The following TRABD2A variants were observed in gnomAD, a reference collection of about 807,000 sequenced individuals.
The protein encoded by TRABD2A is metalloprotease TIKI1.
In TRABD2A, 43 loss-of-function variants were observed where a neutral mutation model predicts 45.6. The ratio of observed to expected loss-of-function variants is 0.94; its 90% CI spans 0.74 to 1.22. The LOEUF (loss-of-function observed/expected upper bound fraction) is 1.22. Among genes scored for constraint, TRABD2A ranks in the 50% most tolerant of loss-of-function variants. The pLI, the probability that TRABD2A is intolerant of heterozygous loss-of-function variation, is 0.00. For missense variants in TRABD2A, 642 were observed against 652.4 expected (o/e 0.98, Z 0.17); for synonymous variants, 269 against 265.0 (o/e 1.02, Z -0.15).
At chr2:84,851,908 G>C (rs6743110) in intron 2 of TRABD2A, among the ~76,000 whole-genome samples, 41,027 of 152,120 alleles carry the variant, frequency 0.27, 6,186 homozygotes, top group African/African-American at 0.4. Flanking sequence ...TTTATAAGCC[G>C]TTAATTTGCT....
At chr2:84,872,587 C>G (rs1377557692) in intron 1 of TRABD2A, among the ~76,000 whole-genome samples, 1 of 152,142 alleles carries the variant, frequency 6.6e-6, no homozygotes, top group African/African-American at 2.4e-5. Context: ...AACATATTCC[C>G]TTTACTAAAG....
At chr2:84,826,057 G>A (rs1479123549) in intron 5 of TRABD2A, among the ~76,000 whole-genome samples, 1 of 152,156 alleles carries the variant, frequency 6.6e-6, no homozygotes, top group Admixed American at 6.5e-5. Flanking sequence ...TGATCAGGTA[G>A]CTCCATGCCC....
intron 5 of TRABD2A, among the ~76,000 whole-genome samples, chr2:84,826,427 A>G (rs1233509021): frequency 6.6e-6 from 1 of 152,236 alleles, no homozygotes. Flanking sequence ...TTTGTGAGTT[A>G]AGGAGTCCTG....
At chr2:84,847,891 C>G (rs113162135) in intron 2 of TRABD2A, among the ~76,000 whole-genome samples, 1 of 152,214 alleles carries the variant, frequency 6.6e-6, no homozygotes. Flanking sequence ...AGCATCTATT[C>G]CAGGCCTCTC....
Position 84,832,097 on chromosome 2 carries a change from C to A in TRABD2A, c.1040G>T (p.Gly347Val). 1 of 1,614,012 alleles carries A rather than the reference C, an allele frequency of 6.2e-7. No homozygotes were observed. Among genetic ancestry groups the A allele is most frequent in the East Asian group, 2.2e-5 (1 of 44,884 alleles). Residue 347 changes from glycine (G) to valine (V), a missense_variant, in exon 5 of 7, where the codon GGC (glycine) becomes GTC (valine). Physicochemically the swap from Gly to Val is moderately radical, Grantham distance 109. Coordinates refer to ENST00000409520, the MANE Select transcript of TRABD2A (RefSeq NM_001277053.2). The stretch of plus-strand genomic sequence containing the variant: ...AGCAGGGGCGTGTTCTACCTCATAG[C>A]CTTCACGCCGCAAAACATCCAGCAC... The part of the protein sequence containing the change: ...NTVLDVLRRE[G>V]YEVEHAPAGR...
At chr2:84,845,725 C>T (rs977139358) in intron 2 of TRABD2A, among the ~76,000 whole-genome samples, 5 of 152,162 alleles carry the variant, frequency 3.3e-5, no homozygotes, top group Non-Finnish European at 7.3e-5. Flanking sequence ...TAATCAAGGA[C>T]AGAATCAAGG....
intron 2 of TRABD2A, among the ~76,000 whole-genome samples, chr2:84,864,470 G>A (rs1186065552): frequency 1.3e-5 from 2 of 152,112 alleles, no homozygotes; most frequent in African/African-American, 4.8e-5. Context: ...TGAACCTAGT[G>A]CCATCCCCAC....
At chr2:84,857,538 T>A (rs979596374) in intron 2 of TRABD2A, among the ~76,000 whole-genome samples, 1 of 152,222 alleles carries the variant, frequency 6.6e-6, no homozygotes, top group African/African-American at 2.4e-5. Context: ...TGAATGATTA[T>A]CAACTATATC....
In TRABD2A at chr2:84,870,687, G is replaced by A. The variant is rs1263811830; in HGVS notation, c.207C>T (p.Phe69=). The change falls in exon 2 of 7, where the codon TTC becomes TTT. Residue 69 remains phenylalanine (F), a synonymous_variant. Coordinates refer to ENST00000409520, the MANE Select transcript of TRABD2A (RefSeq NM_001277053.2). ...AAGCCTCCTTAGAGTTGTCGGGGAT[G>A]AAGTCCCAAACTCGGGTGTACGGGA... is the stretch of plus-strand genomic sequence containing the variant. ...IHVPYTRVWD[F]IPDNSKEAFL... 1 of 1,606,944 alleles carries A rather than the reference G, an allele frequency of 6.2e-7. No homozygotes were observed. The highest frequency in any genetic ancestry group is 1.3e-5 in the African/African-American group (1 of 74,806).
At chr2:84,843,497 C>G (rs1435725481) in intron 2 of TRABD2A, 2 of 152,200 alleles carry the variant, frequency 1.3e-5, no homozygotes, top group Admixed American at 1.3e-4. Context: ...CCCCTTGTCT[C>G]AGTCCATTTG....
At chr2:84,854,850 A>G (rs1395876509) in intron 2 of TRABD2A, among the ~76,000 whole-genome samples, 1 of 152,020 alleles carries the variant, frequency 6.6e-6, no homozygotes, top group African/African-American at 2.4e-5. Context: ...CCCCCCAGAG[A>G]TCATGGTGTC....
intron 2 of TRABD2A, among the ~76,000 whole-genome samples, chr2:84,846,243 G>T (rs556944232): frequency 6.6e-6 from 1 of 152,252 alleles, no homozygotes; most frequent in Admixed American, 6.5e-5. Flanking sequence ...CCACAGAAAT[G>T]TACTTTTTAA....
chr2:84,851,720 C>A (rs1260334562), intron 2 of TRABD2A, among the ~76,000 whole-genome samples: 1 of 152,196 alleles, frequency 6.6e-6, no homozygotes, highest in African/African-American at 2.4e-5. Flanking sequence ...CTAGGAATGT[C>A]TCCCCCATAG....
rs1436365219 is a variant in TRABD2A, at chr2:84,823,934, C to T, written c.1334+19G>A. The T allele has an allele frequency of 6.2e-7, 1 of 1,612,396 alleles. No individual in the cohort carries two copies. The highest frequency in any genetic ancestry group is 2.2e-5 in the East Asian group (1 of 44,872). ...AGGGTAAAGGTGGATGCCAACCCGA[C>T]CCAGCCTACTCGCCTGACCTCTCCT... On this transcript the variant is annotated intron_variant, in intron 6 of 6. Coordinates refer to ENST00000409520, the MANE Select transcript of TRABD2A (RefSeq NM_001277053.2).
chr2:84,838,949 A>C, intron 4 of TRABD2A, 200 bp downstream of exon 4: 1 of 577,428 alleles, frequency 1.7e-6, no homozygotes, highest in Non-Finnish European at 3.0e-6. Context: ...GCACCAGCTC[A>C]TCCAGCAACA....
At position 84,831,937 on chromosome 2, in the gene TRABD2A, G is replaced by A. The variant is rs1180855575; in HGVS notation, c.1082+118C>T. 1.2e-5 allele frequency: 12 copies of A among 961,870 alleles called. No homozygotes were observed. The East Asian group carries it at 2.2e-4, about 18-fold the overall frequency. The allele number at this position is 961,870 out of a possible 1,614,324, so 59.6% of individuals were successfully genotyped here. On this transcript the variant is annotated intron_variant, in intron 5 of 6. Transcript: ENST00000409520. ...AATGTCCATGTAAGGTCAAGTGTGGGGGAAATGACGAGGCAGGGGTTCTCT... is the reference window on the plus strand; with the variant it reads ...AATGTCCATGTAAGGTCAAGTGTGGAGGAAATGACGAGGCAGGGGTTCTCT...
At chr2:84,863,461 T>C (rs1275595558) in intron 2 of TRABD2A, among the ~76,000 whole-genome samples, 2 of 151,222 alleles carry the variant, frequency 1.3e-5, no homozygotes, top group African/African-American at 2.4e-5. Context: ...CTCGATTTCC[T>C]GACCTCGTGA....
chr2:84,849,077 G>C (rs1456017652), intron 2 of TRABD2A, among the ~76,000 whole-genome samples: 2 of 147,876 alleles, frequency 1.4e-5, no homozygotes, highest in Non-Finnish European at 1.5e-5. Flanking sequence ...GTTCCCTGCA[G>C]TCTTTTAAGT....
At chr2:84,879,566 AAGGAGAGAGATCTTATCC>A (rs1683135121) in intron 1 of TRABD2A, 1 of 983,302 alleles carries the variant, frequency 1.0e-6, no homozygotes, top group African/African-American at 1.7e-5. Flanking sequence ...ACAGATTCTA[AAGGAGAGAGATCTTATCC>A]AGACTCACTC....
Sources: gnomAD v4.1 joint callset for allele counts (sites outside exome capture counted in the v4.1 genomes callset) on GRCh38, gnomAD v4.1.1 for gene constraint, MANE v1.5 for transcripts, NCBI Gene and HGNC (gene_info 2026-07-23, HGNC 2026-07-21) for gene names.